The following ARMH3 variants were observed in gnomAD, a reference collection of about 807,000 sequenced individuals.
The protein encoded by ARMH3 is armadillo like helical domain containing 3.
ARMH3 carries 60 observed loss-of-function variants against 99.1 expected under a neutral mutation model. That is an observed-to-expected ratio of 0.61 (90% confidence interval 0.49 to 0.75). ARMH3 has a LOEUF of 0.75. Ranked by LOEUF, ARMH3 falls within the 30% of genes least tolerant of loss-of-function variation. The pLI is 0.00. For missense variants in ARMH3, 679 were observed against 843.1 expected (o/e 0.81, Z 2.41); for synonymous variants, 285 against 292.8 (o/e 0.97, Z 0.27).
rs763581682 is a variant in ARMH3 at position 102,029,623 on chromosome 10, C to T, written c.414+15G>A. 6 of 1,614,228 alleles carry T rather than the reference C, an allele frequency of 3.7e-6. No homozygotes were observed. In the Admixed American group the frequency reaches 8.3e-5, roughly 22 times the overall value. ...AAGCTGCCATCCACAGGCACATCTG[C>T]AGCTTATGCCTCACCTTCATGCACA... On this transcript the variant is annotated intron_variant, in intron 5 of 25. Transcript: ENST00000370033.
intron 20 of ARMH3, among the ~76,000 whole-genome samples, chr10:101,961,641 G>A (rs907641990): frequency 1.6e-4 from 25 of 152,092 alleles, no homozygotes; most frequent in African/African-American, 6.0e-4. Context: ...GGATCTCAGT[G>A]CCAACACAGA....
chr10:102,040,868 T>C (rs2067394451), intron 1 of ARMH3, among the ~76,000 whole-genome samples: 1 of 152,034 alleles, frequency 6.6e-6, no homozygotes, highest in Non-Finnish European at 1.5e-5. Flanking sequence ...ACTGATGTGC[T>C]TCATTGATTT....
chr10:102,007,028 G>A (rs2066508697), intron 13 of ARMH3, among the ~76,000 whole-genome samples: 1 of 151,742 alleles, frequency 6.6e-6, no homozygotes, highest in Non-Finnish European at 1.5e-5. Context: ...AGGCATGGTG[G>A]TGCATGCCTG....
At chr10:101,932,924 C>T (rs1843781368) in intron 23 of ARMH3, among the ~76,000 whole-genome samples, 1 of 152,208 alleles carries the variant, frequency 6.6e-6, no homozygotes, top group Non-Finnish European at 1.5e-5. Flanking sequence ...CGGTGGCTCA[C>T]GCCTGTAATC....
At chr10:101,985,078 T>TATAC (rs756106324) in intron 19 of ARMH3, among the ~76,000 whole-genome samples, 6 of 136,180 alleles carry the variant, frequency 4.4e-5, no homozygotes, top group African/African-American at 1.6e-4. Context: ...AAAATATATA[T>TATAC]ACACACACAC....
chr10:101,874,975 C>A (rs753577631), intron 24 of ARMH3, among the ~76,000 whole-genome samples: 2 of 152,160 alleles, frequency 1.3e-5, no homozygotes, highest in African/African-American at 2.4e-5. Flanking sequence ...GATACATACT[C>A]CATGAAGGCC....
chr10:101,857,518 G>C (rs2066762950), intron 24 of ARMH3, among the ~76,000 whole-genome samples: 1 of 152,142 alleles, frequency 6.6e-6, no homozygotes, highest in Non-Finnish European at 1.5e-5. Context: ...AGAGGGGAGA[G>C]GAAGGTCCAA....
At chr10:101,979,133 C>T (rs1176145899) in intron 19 of ARMH3, among the ~76,000 whole-genome samples, 1 of 151,810 alleles carries the variant, frequency 6.6e-6, no homozygotes, top group Admixed American at 6.6e-5. Context: ...GACCCTGTCT[C>T]TAGAAAAAAT....
chr10:101,863,199 A>G (rs1475506314), intron 24 of ARMH3, among the ~76,000 whole-genome samples: 1 of 152,094 alleles, frequency 6.6e-6, no homozygotes, highest in African/African-American at 2.4e-5. Context: ...ATCTACCTAA[A>G]ATATAAAGAC....
intron 8 of ARMH3, among the ~76,000 whole-genome samples, chr10:102,022,758 T>A (rs2066914693): frequency 6.7e-6 from 1 of 150,130 alleles, no homozygotes; most frequent in Non-Finnish European, 1.5e-5. Context: ...TTTTTTGTAT[T>A]TTTAGTAGAG....
chr10:101,869,588 C>A (rs1300112713), intron 24 of ARMH3, among the ~76,000 whole-genome samples: 1 of 152,102 alleles, frequency 6.6e-6, no homozygotes, highest in Non-Finnish European at 1.5e-5. Flanking sequence ...GTTGTTAGCA[C>A]AGGAAAAATT....
At chr10:102,046,153 G>A (rs1230686391) in intron 1 of ARMH3, among the ~76,000 whole-genome samples, 2 of 151,638 alleles carry the variant, frequency 1.3e-5, no homozygotes, top group Admixed American at 1.3e-4. Flanking sequence ...TATGTACCAG[G>A]CACTGTTCTA....
intron 23 of ARMH3, among the ~76,000 whole-genome samples, chr10:101,934,554 C>G (rs1397149907): frequency 6.6e-6 from 1 of 152,026 alleles, no homozygotes; most frequent in East Asian, 1.9e-4. Flanking sequence ...ATACATTAAC[C>G]ATAGTTAAAA....
intron 1 of ARMH3, among the ~76,000 whole-genome samples, chr10:102,048,952 C>T (rs770558507): frequency 1.4e-4 from 21 of 152,186 alleles, no homozygotes; most frequent in Non-Finnish European, 2.4e-4. Flanking sequence ...GTTTTTCTAT[C>T]TCCAAGCCCC....
intron 24 of ARMH3, among the ~76,000 whole-genome samples, chr10:101,871,350 A>G (rs1383570257): frequency 7.2e-5 from 11 of 152,240 alleles, no homozygotes; most frequent in Admixed American, 7.2e-4. Flanking sequence ...ACAGAAATGG[A>G]AAGGACCTAG....
intron 24 of ARMH3, among the ~76,000 whole-genome samples, chr10:101,876,461 C>T (rs2067269725): frequency 6.6e-6 from 1 of 152,098 alleles, no homozygotes. Flanking sequence ...CTTTGCCAGA[C>T]CTCATTTATC....
intron 1 of ARMH3, among the ~76,000 whole-genome samples, chr10:102,048,707 G>C (rs2067616928): frequency 6.6e-6 from 1 of 152,098 alleles, no homozygotes. Context: ...TTACAGGCAT[G>C]AGCCACCGCA....
At chr10:102,015,502 T>G (rs2066728636) in intron 8 of ARMH3, among the ~76,000 whole-genome samples, 1 of 151,924 alleles carries the variant, frequency 6.6e-6, no homozygotes, top group South Asian at 2.1e-4. Context: ...GCGATTCTCC[T>G]GCCTCAGCCT....
At chr10:102,031,833 A>G (rs920117386) in intron 4 of ARMH3, among the ~76,000 whole-genome samples, 2 of 152,002 alleles carry the variant, frequency 1.3e-5, no homozygotes, top group African/African-American at 2.4e-5. Flanking sequence ...TCCGTCTCCC[A>G]GTTCACACCA....
Sources: allele counts gnomAD v4.1 joint callset (sites outside exome capture counted in the v4.1 genomes callset), GRCh38; gene constraint gnomAD v4.1.1; transcripts MANE v1.5; gene names NCBI Gene and HGNC (gene_info 2026-07-23, HGNC 2026-07-21).